Variants in ANKRD11 observed in about 807,000 individuals in gnomAD.
The protein encoded by ANKRD11 is ankyrin repeat domain-containing protein 11.
Under a neutral mutation model 195.7 loss-of-function variants are expected in ANKRD11, and 17 were observed. The observed-to-expected ratio is 0.09, with a 90% confidence interval of 0.06 to 0.13. ANKRD11 has a LOEUF of 0.13. Among genes scored for constraint, ANKRD11 ranks in the 10% least tolerant of loss-of-function variants. ANKRD11 has a pLI of 1.00. For missense variants in ANKRD11, 3,735 were observed against 3,566.1 expected (o/e 1.05, Z -1.21); for synonymous variants, 1,953 against 1,528.1 (o/e 1.28, Z -6.49).
chr16:89,418,406 A>AC (rs1330104520), intron 1 of ANKRD11, 38 bp from the exon 2 acceptor site: 2 of 423,064 alleles, frequency 4.7e-6, no homozygotes, highest in African/African-American at 4.1e-5. Flanking sequence ...TGTCAATAAT[A>AC]ATTTCAGCCT....
intron 4 of ANKRD11, chr16:89,300,805 G>A: frequency 1.4e-6 from 1 of 696,404 alleles, no homozygotes; most frequent in East Asian, 2.7e-5. Context: ...CCAGAGACCA[G>A]GGTGTCATTC....
chr16:89,281,197 G>A lies in ANKRD11; in HGVS notation c.5345C>T (p.Pro1782Leu), dbSNP rs371566102. 1.2e-6 allele frequency: 2 copies of A among 1,614,226 alleles called. No individual in the cohort carries two copies. Among genetic ancestry groups the A allele is most frequent in the Non-Finnish European group, 1.7e-6 (2 of 1,180,038 alleles). Residue 1782 changes from proline to leucine, a missense_variant, in exon 9 of 13, where the codon CCT becomes CTT. Physicochemically the swap from Pro to Leu is moderately conservative, Grantham distance 98. Transcript: ENST00000301030. The surrounding 1 kb of genome is among the most constrained non-coding windows in gnomAD (Gnocchi z 5.5). ...SENASQAPAR[P>L]LSTNLYRSVS... ...CGAGCGGTAAAGGTTTGTGGAGAGA[G>A]GCCTGGCAGGAGCCTGGCTGGCGTT...
chr16:89,288,949 G>C (rs561641676), intron 6 of ANKRD11: 3 of 549,180 alleles, frequency 5.5e-6, no homozygotes, highest in Non-Finnish European at 9.9e-6. Context: ...AAAAGGGTAG[G>C]AAATCAGTGA....
At chr16:89,467,845 GGCTCA>G (rs1318544191) in intron 1 of ANKRD11, among the ~76,000 whole-genome samples, 1 of 152,132 alleles carries the variant, frequency 6.6e-6, no homozygotes, top group East Asian at 1.9e-4. Flanking sequence ...CTGTTGCCCG[GGCTCA>G]AGTGGAGTGG....
Position 89,317,075 on chromosome 16 carries a change from T to C in ANKRD11, c.-56A>G. On this transcript the variant is annotated 5_prime_UTR_variant, in exon 3 of 13. Transcript: ENST00000301030. The stretch of plus-strand genomic sequence containing the variant: ...ACGGCCGGCGCTTCATCATCAACCG[T>C]CTGCTTCAAAAGAGAAGACACACAA... The C allele has an allele frequency of 3.9e-6, 6 of 1,558,058 alleles. No individual in the cohort carries two copies. Among genetic ancestry groups the C allele is most frequent in the Non-Finnish European group, 5.2e-6 (6 of 1,145,386 alleles).
At position 89,283,770 on chromosome 16, in the gene ANKRD11, G is replaced by A. The variant is rs2279349; in HGVS notation, c.2772C>T (p.Thr924=). 1,339,438 of 1,613,956 alleles carry A rather than the reference G, an allele frequency of 0.83. 558,366 individuals are homozygous for A. Among genetic ancestry groups the A allele is most frequent in the Middle Eastern group, 0.89 (5,380 of 6,060 alleles). The change falls in exon 9 of 13, where the codon ACC becomes ACT. Residue 924 remains threonine (T), a synonymous_variant. Transcript: ENST00000301030. This position sits in a 1 kb window ranked among gnomAD's most constrained non-coding sequence, Gnocchi z 4.3. ...DKNSEKRKEQ[T]EKHKSVPGYL... ...AGCCAGGGACACTTTTATGCTTTTC[G>A]GTCTGCTCTTTCCTCTTCTCAGAGT...
chr16:89,281,534 G>C lies in ANKRD11; in HGVS notation c.5008C>G (p.Pro1670Ala). The C allele has an allele frequency of 6.2e-7, 1 of 1,614,226 alleles. No homozygotes were observed. Among genetic ancestry groups the C allele is most frequent in the Non-Finnish European group, 8.5e-7 (1 of 1,180,038 alleles). ...IPPAAENKLH[P>A]ASGADSKDWL... ...TCTTTGGAGTCTGCACCTGATGCTG[G>C]GTGTAGCTTATTTTCCGCGGCAGGT... is the stretch of plus-strand genomic sequence containing the variant. Residue 1670 changes from proline to alanine, a missense_variant, in exon 9 of 13, where the codon CCA becomes GCA. By Grantham distance (27) the Pro-to-Ala change is conservative. Transcript: ENST00000301030. The surrounding 1 kb of genome is among the most constrained non-coding windows in gnomAD (Gnocchi z 5.5).
At chr16:89,301,232 A>G in intron 4 of ANKRD11, 1 of 402,988 alleles carries the variant, frequency 2.5e-6, no homozygotes, top group Non-Finnish European at 4.4e-6. Flanking sequence ...AAAGTGCTGG[A>G]AGGGTGAAGG....
In ANKRD11 at chr16:89,270,463, C is replaced by G. The variant is rs568239417; in HGVS notation, c.7806+354G>C. The G allele has an allele frequency of 1.3e-3, 502 of 382,620 alleles. 1 individual carries two copies. Among genetic ancestry groups the G allele is most frequent in the Non-Finnish European group, 1.9e-3 (382 of 199,464 alleles). 23.7% of individuals were successfully genotyped at this position (382,620 alleles called of 1,614,324 possible). On this transcript the variant is annotated intron_variant, in intron 12 of 12. Coordinates refer to ENST00000301030, the MANE Select transcript of ANKRD11 (RefSeq NM_013275.6). The stretch of plus-strand genomic sequence containing the variant: ...CGGCACCTCCCCCGCCCCTGCCCAC[C>G]GCCCTGGCCAGCACTTCCAGAGCAG...
At chr16:89,440,329 C>T (rs569585441) in intron 1 of ANKRD11, among the ~76,000 whole-genome samples, 2 of 152,292 alleles carry the variant, frequency 1.3e-5, no homozygotes, top group East Asian at 3.9e-4. Context: ...ATGTCTCGGT[C>T]CAGCGTGGTG....
At chr16:89,325,724 T>C (rs2037674867) in intron 2 of ANKRD11, among the ~76,000 whole-genome samples, 2 of 152,088 alleles carry the variant, frequency 1.3e-5, no homozygotes, top group Non-Finnish European at 1.5e-5. Context: ...GGGTGGACGT[T>C]TGGGTTCTCA....
intron 1 of ANKRD11, among the ~76,000 whole-genome samples, chr16:89,453,605 G>C (rs989467870): frequency 1.3e-5 from 2 of 152,106 alleles, no homozygotes; most frequent in African/African-American, 4.8e-5. Context: ...ACAGAAAGGA[G>C]GCAAGACAGA....
chr16:89,323,932 T>G, intron 2 of ANKRD11: 1 of 217,380 alleles, frequency 4.6e-6, no homozygotes, highest in South Asian at 6.1e-5. Flanking sequence ...TAGAATCTCT[T>G]TGCTACGGTT....
intron 11 of ANKRD11, chr16:89,271,173 C>T (rs895251872): frequency 3.8e-6 from 2 of 520,416 alleles, no homozygotes; most frequent in Non-Finnish European, 7.0e-6. Context: ...CACCTGTGAG[C>T]CGGTCCCCAG....
rs1299510729 is a variant in ANKRD11, at chr16:89,290,667, G to A, written c.559C>T (p.Leu187Phe). The A allele has an allele frequency of 3.1e-6, 5 of 1,613,848 alleles. No homozygotes were observed. Among genetic ancestry groups the A allele is most frequent in the Non-Finnish European group, 4.2e-6 (5 of 1,180,016 alleles). Residue 187 changes from leucine to phenylalanine, a missense_variant, in exon 6 of 13, where the codon CTC becomes TTC. Transcript: ENST00000301030. ...TTGACGTCTGCCCCCTCGCTGATGAGCTCTTTGATGCGCCGGGCGTCCCCG... is the reference window on the plus strand; with the variant it reads ...TTGACGTCTGCCCCCTCGCTGATGAACTCTTTGATGCGCCGGGCGTCCCCG... ...IRGDARRIKE[L>F]ISEGADVNVK...
chr16:89,465,060 T>G (rs971072459), intron 1 of ANKRD11, among the ~76,000 whole-genome samples: 1 of 152,220 alleles, frequency 6.6e-6, no homozygotes, highest in Non-Finnish European at 1.5e-5. Flanking sequence ...TATATGAAAT[T>G]CTAATTTCAG....
chr16:89,468,892 G>T (rs1209314486), intron 1 of ANKRD11, among the ~76,000 whole-genome samples: 5 of 152,164 alleles, frequency 3.3e-5, no homozygotes, highest in Non-Finnish European at 7.3e-5. Flanking sequence ...TTTAACCCAG[G>T]AATACATGAT....
rs1201094985 is a variant in ANKRD11, at chr16:89,283,392, T to C, written c.3150A>G (p.Lys1050=). 1 of 1,613,958 alleles carries C rather than the reference T, an allele frequency of 6.2e-7. No individual in the cohort carries two copies. Among genetic ancestry groups the C allele is most frequent in the African/African-American group, 1.3e-5 (1 of 74,956 alleles). The stretch of plus-strand genomic sequence containing the variant: ...TCTCTTTAAAACATTTATCAAATTC[T>C]TTGTCCTTCTGACATTTTTCCAGGA... ...KSILEKCQKD[K]EFDKCFKEKK... is the part of the protein sequence containing the mutation. The change falls in exon 9 of 13, where the codon AAA becomes AAG. Residue 1050 remains lysine (K), a synonymous_variant. Transcript: ENST00000301030. This position sits in a 1 kb window ranked among gnomAD's most constrained non-coding sequence, Gnocchi z 4.3.
chr16:89,279,075 G>A lies in ANKRD11; in HGVS notation c.7467C>T (p.Pro2489=), dbSNP rs1363136538. ...DGKPLSKLHI[P]VIAPPPSLAE... ...CTCTCCCGGGCCCCGCACTCACCAC[G>A]GGGATGTGGAGCTTGCTGAGCGGCT... The change falls in exon 9 of 13, where the codon CCC becomes CCT. Residue 2489 remains proline, a synonymous_variant. Coordinates refer to ENST00000301030, the MANE Select transcript of ANKRD11 (RefSeq NM_013275.6). This position sits in a 1 kb window ranked among gnomAD's most constrained non-coding sequence, Gnocchi z 5.6. 1.5e-5 allele frequency: 24 copies of A among 1,613,934 alleles called. No homozygotes were observed. Among genetic ancestry groups the A allele is most frequent in the Non-Finnish European group, 2.0e-5 (24 of 1,179,908 alleles).
Sources: gnomAD v4.1 joint callset for allele counts (sites outside exome capture counted in the v4.1 genomes callset) on GRCh38, gnomAD v4.1.1 for gene constraint, Gnocchi (gnomAD v3.1) non-coding constraint, MANE v1.5 for transcripts, NCBI Gene and HGNC (gene_info 2026-07-23, HGNC 2026-07-21) for gene names.